CDC42SE1: variants seen among roughly 807,000 people sequenced by gnomAD.
CDC42SE1 encodes CDC42 small effector 1.
A neutral mutation model predicts 10.9 loss-of-function variants in CDC42SE1; 10 were observed. That is an observed-to-expected ratio of 0.92 (90% CI 0.57 to 1.56). CDC42SE1 has a LOEUF of 1.56. Ranked by LOEUF, CDC42SE1 falls within the 40% of genes most tolerant of loss-of-function variation. The pLI is 0.00. For missense variants in CDC42SE1, 81 were observed against 100.8 expected, an observed-to-expected ratio of 0.80 and a Z score of 0.84; for synonymous variants, 24 against 32.0, an observed-to-expected ratio of 0.75 and a Z score of 0.85.
In CDC42SE1 at chr1:151,053,233, G is replaced by C. The variant is rs910118065; in HGVS notation, c.*111C>G. On this transcript the variant is annotated 3_prime_UTR_variant, in exon 5 of 5. Coordinates refer to ENST00000357235, the MANE Select transcript of CDC42SE1 (RefSeq NM_020239.4). ...GGCACTGTTAGGCAGATAGGGAAAA[G>C]AGGGGTCCTTAGATCACTGGTTCAA... 2.6e-5 allele frequency: 4 copies of C among 152,808 alleles called. No homozygotes were observed. The highest frequency in any genetic ancestry group is 9.6e-5 in the African/African-American group (4 of 41,478). The allele number at this position is 152,808 out of a possible 1,614,324, so 9.5% of individuals were successfully genotyped here.
intron 4 of CDC42SE1, 40 bp downstream of exon 4, chr1:151,054,191 T>C: frequency 3.1e-6 from 4 of 1,271,292 alleles, no homozygotes; most frequent in Non-Finnish European, 4.6e-6. Flanking sequence ...TGTGCTGTTA[T>C]GGGGGCTGAG....
Position 151,055,087 on chromosome 1 carries a change from C to G in CDC42SE1, c.94G>C (p.Glu32Gln). ...GTCAGGTGAACAAAATTCATTGGTT[C>G]CCCAATCATGGTCCGGTCAATCCGT... ...RRRIDRTMIG[E>Q]PMNFVHLTHI... The change falls in exon 3 of 5, where the codon GAA (glutamate) becomes CAA (glutamine). Residue 32 changes from glutamate (E) to glutamine (Q), a missense_variant. Physicochemically the swap from Glu to Gln is conservative, Grantham distance 29. Transcript: ENST00000357235. 1 of 1,613,746 alleles carries G rather than the reference C, an allele frequency of 6.2e-7. No individual in the cohort carries two copies. Among genetic ancestry groups the G allele is most frequent in the Non-Finnish European group, 8.5e-7 (1 of 1,179,970 alleles).
rs1676186211 is a variant in CDC42SE1 at position 151,051,718 on chromosome 1, G to A, written c.*1626C>T. On this transcript the variant is annotated 3_prime_UTR_variant, in exon 5 of 5. Transcript: ENST00000357235. ...TTTAAAGCAGACTCTTCAGCCAGGG[G>A]GCAGTGGGACCTGGTCTTCAGACAA... is the stretch of plus-strand genomic sequence containing the variant. 1 of 152,604 alleles carries A rather than the reference G, an allele frequency of 6.6e-6. No individual in the cohort carries two copies. 9.5% of individuals were successfully genotyped at this position (152,604 alleles called of 1,614,324 possible). A position where few individuals can be genotyped will look rare whatever the true frequency, so the allele number is the denominator to read the frequency against.
chr1:151,059,541 T>C lies in CDC42SE1; in HGVS notation c.-326A>G, dbSNP rs1676362041. ...GGTGGGGGTGAGGGACTCTGCTCCG[T>C]GGCCGCCAGTGTGGGCTTCCCGGGC... On this transcript the variant is annotated 5_prime_UTR_variant, in exon 1 of 5. Coordinates refer to ENST00000357235, the MANE Select transcript of CDC42SE1 (RefSeq NM_020239.4). 6.6e-6 allele frequency: 1 copy of C among 152,414 alleles called. No homozygotes were observed. Among genetic ancestry groups the C allele is most frequent in the Admixed American group, 6.5e-5 (1 of 15,278 alleles). The allele number at this position is 152,414 out of a possible 1,614,324, so 9.4% of individuals were successfully genotyped here. A position where few individuals can be genotyped will look rare whatever the true frequency, so the allele number is the denominator to read the frequency against.
rs80102496 is a variant in CDC42SE1 at position 151,052,040 on chromosome 1, G to A, written c.*1304C>T. The A allele has an allele frequency of 9.2e-5, 14 of 152,264 alleles. No individual in the cohort carries two copies. Among genetic ancestry groups the A allele is most frequent in the African/African-American group, 3.4e-4 (14 of 41,542 alleles). 9.4% of individuals were successfully genotyped at this position (152,264 alleles called of 1,614,324 possible). ...TGGGCTCCTAGTTGATCCATGGCTC[G>A]GGCTTAAGATGAGTAAGATGATGAG... On this transcript the variant is annotated 3_prime_UTR_variant, in exon 5 of 5. Coordinates refer to ENST00000357235, the MANE Select transcript of CDC42SE1 (RefSeq NM_020239.4).
intron 1 of CDC42SE1, chr1:151,058,038 C>T (rs144177129): frequency 6.6e-6 from 1 of 152,562 alleles, no homozygotes; most frequent in East Asian, 1.9e-4. Context: ...GCAGGCTGTA[C>T]TGTGACTGGA....
rs945807307 is a variant in CDC42SE1 at position 151,052,292 on chromosome 1, G to C, written c.*1052C>G. 1 of 152,376 alleles carries C rather than the reference G, an allele frequency of 6.6e-6. No individual in the cohort carries two copies. The highest frequency in any genetic ancestry group is 1.5e-5 in the Non-Finnish European group (1 of 68,034). 9.4% of individuals were successfully genotyped at this position (152,376 alleles called of 1,614,324 possible). A position where few individuals can be genotyped will look rare whatever the true frequency, so the allele number is the denominator to read the frequency against. On this transcript the variant is annotated 3_prime_UTR_variant, in exon 5 of 5. Transcript: ENST00000357235. ...AACACTTCAGCCCAAAATGTCAAAG[G>C]CATCTCGGTTGTGAAACCTTGTTCT...
At position 151,055,827 on chromosome 1, in the gene CDC42SE1, A is replaced by G. The variant is rs587701931; in HGVS notation, c.-97T>C. On this transcript the variant is annotated 5_prime_UTR_variant, in exon 2 of 5. Coordinates refer to ENST00000357235, the MANE Select transcript of CDC42SE1 (RefSeq NM_020239.4). ...CCCACTCCTCACTCTCCCCAGATACACCACCACCCTGGGTTCACTCAGCTG... is the reference window on the plus strand; with the variant it reads ...CCCACTCCTCACTCTCCCCAGATACGCCACCACCCTGGGTTCACTCAGCTG... The G allele has an allele frequency of 7.7e-5, 77 of 1,004,100 alleles. 1 individual carries two copies. The African/African-American group carries it at 1.1e-3, about 14-fold the overall frequency. The allele number at this position is 1,004,100 out of a possible 1,614,324, so 62.2% of individuals were successfully genotyped here.
In CDC42SE1 at chr1:151,054,370, A is replaced by G. The variant is rs200931207; in HGVS notation, c.166-49T>C. ...ACCTTCGTAAGTCTTCATATCCTAC[A>G]GTAAGAACTCTACTTTGTGCCTTCC... is the stretch of plus-strand genomic sequence containing the variant. On this transcript the variant is annotated intron_variant, in intron 3 of 4. Transcript: ENST00000357235. 27 of 1,419,646 alleles carry G rather than the reference A, an allele frequency of 1.9e-5. No homozygotes were observed. The South Asian group carries it at 2.9e-4, about 15-fold the overall frequency. 87.9% of individuals were successfully genotyped at this position (1,419,646 alleles called of 1,614,324 possible). A position where few individuals can be genotyped will look rare whatever the true frequency, so the allele number is the denominator to read the frequency against.
At chr1:151,056,456 C>T (rs1477224121) in intron 1 of CDC42SE1, among the ~76,000 whole-genome samples, 1 of 152,162 alleles carries the variant, frequency 6.6e-6, no homozygotes, top group Non-Finnish European at 1.5e-5. Context: ...CCCTGAACGC[C>T]TAGAGTTTCT....
intron 3 of CDC42SE1, among the ~76,000 whole-genome samples, chr1:151,054,614 G>T (rs1676246095): frequency 6.6e-6 from 1 of 152,098 alleles, no homozygotes; most frequent in South Asian, 2.1e-4. Context: ...CCCTTATTTT[G>T]GGAACAGAAG....
In CDC42SE1 at chr1:151,054,287, C is replaced by T; in HGVS notation, c.200G>A (p.Gly67Glu). The T allele has an allele frequency of 6.2e-7, 1 of 1,613,908 alleles. No individual in the cohort carries two copies. The highest frequency in any genetic ancestry group is 1.3e-5 in the African/African-American group (1 of 75,024). ...ATTGCTCCATGGCCTATCTCGGTTT[C>T]CCTTGGATCTCATCTGCTCCTGAAC... ...GAVQEQMRSKGNRDRPWSNSR... is the reference protein window; with the variant it reads ...GAVQEQMRSKENRDRPWSNSR... The change falls in exon 4 of 5, where the codon GGA becomes GAA. Residue 67 changes from glycine to glutamate, a missense_variant. By Grantham distance (98) the Gly-to-Glu change is moderately conservative. Transcript: ENST00000357235.
intron 1 of CDC42SE1, chr1:151,058,922 A>G (rs1235389373): frequency 6.6e-6 from 1 of 152,454 alleles, no homozygotes; most frequent in Non-Finnish European, 1.5e-5. Flanking sequence ...AATTCTGGCT[A>G]GAAGCCCGGG....
rs1010744751 is a variant in CDC42SE1, at chr1:151,057,550, G to A, written c.-263-1557C>T. Among the ~76,000 whole-genome samples the A allele has an allele frequency of 6.6e-6, 1 of 152,030 alleles. No homozygotes were observed. Among genetic ancestry groups the A allele is most frequent in the African/African-American group, 2.4e-5 (1 of 41,394 alleles). ...ACACAAAAAAACGAGATAGCAGGGT[G>A]TGGTAGCATGTGCCTGTCATCCCAG... On this transcript the variant is annotated intron_variant, in intron 1 of 4. Transcript: ENST00000357235. This position sits in a 1 kb window ranked among gnomAD's most constrained non-coding sequence, Gnocchi z 4.0.
At chr1:151,058,413 A>T (rs2102977561) in intron 1 of CDC42SE1, 1 of 152,528 alleles carries the variant, frequency 6.6e-6, no homozygotes, top group East Asian at 1.9e-4. Context: ...AGTAAGAGCC[A>T]CTGGCGGCCA....
At chr1:151,053,811 T>C (rs2102974923) in intron 4 of CDC42SE1, among the ~76,000 whole-genome samples, 1 of 151,338 alleles carries the variant, frequency 6.6e-6, no homozygotes, top group East Asian at 2.0e-4. Flanking sequence ...TCTTCCCTTC[T>C]AATTCCTCCC....
In CDC42SE1 at chr1:151,055,984, A is replaced by T. The variant is rs962531135; in HGVS notation, c.-254T>A. 2 of 543,646 alleles carry T rather than the reference A, an allele frequency of 3.7e-6. No individual in the cohort carries two copies. Among genetic ancestry groups the T allele is most frequent in the Non-Finnish European group, 6.6e-6 (2 of 302,824 alleles). 33.7% of individuals were successfully genotyped at this position (543,646 alleles called of 1,614,324 possible). A position where few individuals can be genotyped will look rare whatever the true frequency, so the allele number is the denominator to read the frequency against. On this transcript the variant is annotated 5_prime_UTR_variant, in exon 2 of 5. Coordinates refer to ENST00000357235, the MANE Select transcript of CDC42SE1 (RefSeq NM_020239.4). ...AGGCACAAGGTTATGTCTTCCTCAG[A>T]CTCGGAACCCTGGATTAGAAGAAAG...
In CDC42SE1 at chr1:151,052,376, T is replaced by C. The variant is rs2102973927; in HGVS notation, c.*968A>G. 6.5e-6 allele frequency: 1 copy of C among 152,768 alleles called. No homozygotes were observed. Among genetic ancestry groups the C allele is most frequent in the Admixed American group, 6.5e-5 (1 of 15,306 alleles). 9.5% of individuals were successfully genotyped at this position (152,768 alleles called of 1,614,324 possible). A position where few individuals can be genotyped will look rare whatever the true frequency, so the allele number is the denominator to read the frequency against. On this transcript the variant is annotated 3_prime_UTR_variant, in exon 5 of 5. Coordinates refer to ENST00000357235, the MANE Select transcript of CDC42SE1 (RefSeq NM_020239.4). ...TTAAGACTCCTAAACTCACAGATGATTGTTTTCAACCTATTTATCTCACCA... is the reference window on the plus strand; with the variant it reads ...TTAAGACTCCTAAACTCACAGATGACTGTTTTCAACCTATTTATCTCACCA...
chr1:151,057,383 C>T lies in CDC42SE1; in HGVS notation c.-263-1390G>A, dbSNP rs770848168. ...CTAAAAATACAAAAGATTAGCTGGG[C>T]GTGGTGGCGGATGCCTGTAATCCCA... On this transcript the variant is annotated intron_variant, in intron 1 of 4. Coordinates refer to ENST00000357235, the MANE Select transcript of CDC42SE1 (RefSeq NM_020239.4). The surrounding 1 kb of genome is among the most constrained non-coding windows in gnomAD (Gnocchi z 4.0). 6.6e-6 allele frequency among the ~76,000 whole-genome samples: 1 copy of T among 152,168 alleles called. No homozygotes were observed.
Sources: allele counts gnomAD v4.1 joint callset (sites outside exome capture counted in the v4.1 genomes callset), GRCh38; gene constraint gnomAD v4.1.1; non-coding constraint Gnocchi (gnomAD v3.1); transcripts MANE v1.5; gene names NCBI Gene and HGNC (gene_info 2026-07-23, HGNC 2026-07-21).